Variants in KCNIP4 observed in about 807,000 individuals in gnomAD.
KCNIP4 encodes potassium voltage-gated channel interacting protein 4, also known as Kv channel-interacting protein 4.
In KCNIP4, 12 loss-of-function variants were observed where a neutral mutation model predicts 34.0. The observed-to-expected ratio is 0.35, with a 90% CI of 0.23 to 0.57. The LOEUF (loss-of-function observed/expected upper bound fraction) is 0.57. KCNIP4 is among the 20% of genes least tolerant of loss of function. The pLI, the probability that KCNIP4 is intolerant of heterozygous loss-of-function variation, is 0.83. For synonymous variants in KCNIP4, 124 were observed against 102.2 expected, an observed-to-expected ratio of 1.21 and a Z score of -1.29; for missense variants, 238 against 311.7, an observed-to-expected ratio of 0.76 and a Z score of 1.78.
intron 1 of KCNIP4, among the ~76,000 whole-genome samples, chr4:21,086,968 C>CCTCTCT (rs113613645): frequency 0.018 from 2,498 of 141,424 alleles, 45 homozygotes; most frequent in Non-Finnish European, 0.025. Context: ...CCTTTTCCTT[C>CCTCTCT]CTCTCTCTCT....
At chr4:20,773,083 C>A (rs1046444821) in intron 3 of KCNIP4, among the ~76,000 whole-genome samples, 2 of 150,888 alleles carry the variant, frequency 1.3e-5, no homozygotes, top group Admixed American at 6.6e-5. Context: ...TAATTAAGTT[C>A]TTGTTGCAAA....
Position 20,737,487 on chromosome 4 carries a change from A to G in KCNIP4, c.430-2752T>C, listed in dbSNP as rs185161788. On this transcript the variant is annotated intron_variant, in intron 5 of 8. Transcript: ENST00000382152. ...TCTTGAGAAGGTGGGGAGGATCCAG[A>G]ACATGGGTAGATGGGCCGATCTGAG... 2.3e-3 allele frequency among the ~76,000 whole-genome samples: 354 copies of G among 152,270 alleles called. 8 individuals carry two copies. In the South Asian group the frequency reaches 0.046, roughly 20 times the overall value.
intron 1 of KCNIP4, among the ~76,000 whole-genome samples, chr4:21,109,393 G>A (rs1026597928): frequency 6.6e-6 from 1 of 152,266 alleles, no homozygotes; most frequent in Non-Finnish European, 1.5e-5. Context: ...TTGGGTGTAG[G>A]ACCCTCTGAG....
At chr4:21,016,088 C>G (rs1739515495) in intron 1 of KCNIP4, among the ~76,000 whole-genome samples, 1 of 149,946 alleles carries the variant, frequency 6.7e-6, no homozygotes. Flanking sequence ...ACCTCGGGCT[C>G]CAGCAGCTCT....
At chr4:20,735,878 G>T (rs1225647800) in intron 5 of KCNIP4, among the ~76,000 whole-genome samples, 1 of 152,156 alleles carries the variant, frequency 6.6e-6, no homozygotes, top group African/African-American at 2.4e-5. Flanking sequence ...GTTACAATGT[G>T]CTGTATTCAG....
chr4:20,857,389 C>A (rs1449482581), intron 2 of KCNIP4, among the ~76,000 whole-genome samples: 1 of 152,082 alleles, frequency 6.6e-6, no homozygotes, highest in African/African-American at 2.4e-5. Flanking sequence ...ATTTATTGAG[C>A]CCTTGTTGTA....
At chr4:21,471,387 G>A (rs921592229) in intron 1 of KCNIP4, among the ~76,000 whole-genome samples, 1 of 152,052 alleles carries the variant, frequency 6.6e-6, no homozygotes, top group African/African-American at 2.4e-5. Context: ...TCCTACTTCT[G>A]GGTGGAGGAA....
Position 21,139,619 on chromosome 4 carries a change from T to C in KCNIP4, c.62-256910A>G, listed in dbSNP as rs1397813829. Among the ~76,000 whole-genome samples, 5 of 152,146 alleles carry C rather than the reference T, an allele frequency of 3.3e-5. No homozygotes were observed. The East Asian group carries it at 9.7e-4, about 29-fold the overall frequency. On this transcript the variant is annotated intron_variant, in intron 1 of 8. Transcript: ENST00000382152. The stretch of plus-strand genomic sequence containing the variant: ...AAGAGACATGACTTTCCATCTCGAC[T>C]CAACTCAGGACAACCCTAAAGGAAC...
At chr4:21,592,703 G>T (rs1742311994) in intron 1 of KCNIP4, among the ~76,000 whole-genome samples, 1 of 152,066 alleles carries the variant, frequency 6.6e-6, no homozygotes, top group South Asian at 2.1e-4. Context: ...CTTTGAAAGA[G>T]GTGAAAGTAT....
chr4:21,465,838 A>G (rs1482925645), intron 1 of KCNIP4, among the ~76,000 whole-genome samples: 10 of 152,192 alleles, frequency 6.6e-5, no homozygotes, highest in Admixed American at 6.5e-4. Context: ...CTTACATGTG[A>G]GTTCTCAGCT....
chr4:21,214,872 T>C lies in KCNIP4; in HGVS notation c.62-332163A>G, dbSNP rs1052693259. Among the ~76,000 whole-genome samples, 4 of 152,180 alleles carry C rather than the reference T, an allele frequency of 2.6e-5. No individual in the cohort carries two copies. In the East Asian group the frequency reaches 7.7e-4, roughly 29 times the overall value. Reference sequence around the variant, plus strand: ...TCTATCCTTTCTTGGGCTTCACAGCTAATTTTAGCAAATGCATTTGGCAAA... The same window carrying C: ...TCTATCCTTTCTTGGGCTTCACAGCCAATTTTAGCAAATGCATTTGGCAAA... On this transcript the variant is annotated intron_variant, in intron 1 of 8. Coordinates refer to ENST00000382152, the MANE Select transcript of KCNIP4 (RefSeq NM_025221.6).
intron 1 of KCNIP4, among the ~76,000 whole-genome samples, chr4:21,035,952 G>T (rs1485770807): frequency 6.6e-6 from 1 of 152,138 alleles, no homozygotes; most frequent in Non-Finnish European, 1.5e-5. Context: ...AGACAGCCTA[G>T]CTCTCTTGCC....
At chr4:21,549,696 T>C (rs1262544823) in intron 1 of KCNIP4, among the ~76,000 whole-genome samples, 1 of 152,080 alleles carries the variant, frequency 6.6e-6, no homozygotes, top group African/African-American at 2.4e-5. Context: ...TCTATGTTAC[T>C]AATGATGAGA....
intron 1 of KCNIP4, among the ~76,000 whole-genome samples, chr4:21,551,397 A>T (rs547842655): frequency 6.6e-6 from 1 of 152,222 alleles, no homozygotes; most frequent in South Asian, 2.1e-4. Context: ...TGCCAAATCT[A>T]TAGCCAGTCT....
intron 1 of KCNIP4, among the ~76,000 whole-genome samples, chr4:21,601,830 G>A (rs1743189603): frequency 6.6e-6 from 1 of 152,054 alleles, no homozygotes; most frequent in African/African-American, 2.4e-5. Context: ...GCTTATGCAT[G>A]GCTGGTTCTT....
chr4:21,614,676 TATAG>T (rs1239944354), intron 1 of KCNIP4, among the ~76,000 whole-genome samples: 1 of 150,772 alleles, frequency 6.6e-6, no homozygotes, highest in Non-Finnish European at 1.5e-5. Flanking sequence ...TTTAAGCTTA[TATAG>T]ATAAATTCAT....
chr4:21,312,031 A>G (rs1464563904), intron 1 of KCNIP4, among the ~76,000 whole-genome samples: 1 of 152,160 alleles, frequency 6.6e-6, no homozygotes, highest in African/African-American at 2.4e-5. Flanking sequence ...AAGGATCAAC[A>G]CCACACCCAG....
At chr4:21,075,252 A>C (rs1303429914) in intron 1 of KCNIP4, among the ~76,000 whole-genome samples, 1 of 152,074 alleles carries the variant, frequency 6.6e-6, no homozygotes, top group African/African-American at 2.4e-5. Context: ...AAAGTCTCTC[A>C]TTATTATTGT....
chr4:20,760,654 G>C (rs1383408549), intron 3 of KCNIP4, among the ~76,000 whole-genome samples: 1 of 152,156 alleles, frequency 6.6e-6, no homozygotes, highest in African/African-American at 2.4e-5. Flanking sequence ...TGCATTCACA[G>C]AGGCAGAACT....
Sources: gnomAD v4.1 joint callset for allele counts (sites outside exome capture counted in the v4.1 genomes callset) on GRCh38, gnomAD v4.1.1 for gene constraint, MANE v1.5 for transcripts, NCBI Gene and HGNC (gene_info 2026-07-23, HGNC 2026-07-21) for gene names.